The following LHFPL3 variants were observed in gnomAD, a reference collection of about 807,000 sequenced individuals.
LHFPL3 encodes the protein LHFPL tetraspan subfamily member 3.
A neutral mutation model predicts 19.3 loss-of-function variants in LHFPL3; 5 were observed. The ratio of observed to expected loss-of-function variants is 0.26; its 90% CI spans 0.14 to 0.54. LHFPL3 has a LOEUF of 0.54. LHFPL3 is among the 20% of genes least tolerant of loss of function. The pLI, the probability that LHFPL3 is intolerant of heterozygous loss-of-function variation, is 0.94. For synonymous variants in LHFPL3, 133 were observed against 126.2 expected, an observed-to-expected ratio of 1.05 and a Z score of -0.36; for missense variants, 249 against 307.4, an observed-to-expected ratio of 0.81 and a Z score of 1.42.
At chr7:104,601,268 C>T (rs1053385966) in intron 1 of LHFPL3, among the ~76,000 whole-genome samples, 1 of 152,148 alleles carries the variant, frequency 6.6e-6, no homozygotes, top group Admixed American at 6.5e-5. Flanking sequence ...TAAATTAGCA[C>T]TCTTCCCCTC....
intron 2 of LHFPL3, among the ~76,000 whole-genome samples, chr7:104,872,873 A>T: frequency 6.6e-6 from 1 of 152,312 alleles, no homozygotes; most frequent in Non-Finnish European, 1.5e-5. Context: ...TAAACAATAA[A>T]TACCTAAACC....
intron 1 of LHFPL3, among the ~76,000 whole-genome samples, chr7:104,445,736 G>T (rs1017669731): frequency 3.9e-5 from 6 of 152,134 alleles, no homozygotes; most frequent in Non-Finnish European, 8.8e-5. Flanking sequence ...TTGAAGATAC[G>T]CAACTAAGGA....
At chr7:104,468,033 C>T (rs1250538421) in intron 1 of LHFPL3, among the ~76,000 whole-genome samples, 1 of 152,184 alleles carries the variant, frequency 6.6e-6, no homozygotes, top group African/African-American at 2.4e-5. Flanking sequence ...ATATTTTAAG[C>T]AGAAAGATTT....
intron 1 of LHFPL3, among the ~76,000 whole-genome samples, chr7:104,408,121 CAT>C (rs2116506269): frequency 6.6e-6 from 1 of 152,266 alleles, no homozygotes; most frequent in South Asian, 2.1e-4. Context: ...AACCCAGATA[CAT>C]ATGAGTGGGC....
intron 1 of LHFPL3, among the ~76,000 whole-genome samples, chr7:104,349,507 T>G (rs1790135287): frequency 6.6e-6 from 1 of 152,220 alleles, no homozygotes; most frequent in African/African-American, 2.4e-5. Flanking sequence ...GTTCACAAGG[T>G]TTCTTTAAGA....
At position 104,449,889 on chromosome 7, in the gene LHFPL3, A is replaced by C. The variant is rs142018564; in HGVS notation, c.445+120665A>C. Among the ~76,000 whole-genome samples the C allele has an allele frequency of 1.0e-3, 158 of 152,338 alleles. 1 individual carries two copies. Among genetic ancestry groups the C allele is most frequent in the African/African-American group, 3.7e-3 (152 of 41,586 alleles). On this transcript the variant is annotated intron_variant, in intron 1 of 2. Coordinates refer to ENST00000424859, the MANE Select transcript of LHFPL3 (RefSeq NM_199000.3). Reference sequence around the variant, plus strand: ...CACCTTGAATGGCCACTTGTTGATAATAAAAGGTGTCGGCCTGGATTTTCT... The same window carrying C: ...CACCTTGAATGGCCACTTGTTGATACTAAAAGGTGTCGGCCTGGATTTTCT...
At chr7:104,711,139 C>T (rs2116213925) in intron 1 of LHFPL3, among the ~76,000 whole-genome samples, 1 of 152,276 alleles carries the variant, frequency 6.6e-6, no homozygotes, top group Admixed American at 6.5e-5. Flanking sequence ...GCAAAAGTTT[C>T]AGGGAAATTT....
chr7:104,647,827 C>T (rs980809955), intron 1 of LHFPL3, among the ~76,000 whole-genome samples: 5 of 152,112 alleles, frequency 3.3e-5, no homozygotes, highest in Admixed American at 3.3e-4. Context: ...CAAAAGTTTC[C>T]CAGGAACCCT....
At chr7:104,510,337 T>C (rs189626169) in intron 1 of LHFPL3, among the ~76,000 whole-genome samples, 1 of 152,268 alleles carries the variant, frequency 6.6e-6, no homozygotes, top group East Asian at 1.9e-4. Context: ...AGAATTATTT[T>C]CTAGCTAAAG....
At chr7:104,624,828 C>T (rs1043787152) in intron 1 of LHFPL3, among the ~76,000 whole-genome samples, 3 of 152,012 alleles carry the variant, frequency 2.0e-5, no homozygotes, top group African/African-American at 7.2e-5. Flanking sequence ...TGGGATGTGT[C>T]TTTGGTTTGT....
intron 1 of LHFPL3, among the ~76,000 whole-genome samples, chr7:104,575,810 C>G (rs1489540712): frequency 6.6e-6 from 1 of 152,036 alleles, no homozygotes; most frequent in Non-Finnish European, 1.5e-5. Flanking sequence ...CTGCATCTGA[C>G]CACTTTACCC....
intron 1 of LHFPL3, among the ~76,000 whole-genome samples, chr7:104,355,850 T>C (rs1790262783): frequency 6.6e-6 from 1 of 152,230 alleles, no homozygotes; most frequent in Non-Finnish European, 1.5e-5. Flanking sequence ...TTTAAATCTG[T>C]TGTCAGTCTG....
At chr7:104,736,989 T>C in intron 2 of LHFPL3, 78 bp downstream of exon 2, 1 of 1,128,268 alleles carries the variant, frequency 8.9e-7, no homozygotes, top group South Asian at 1.4e-5. Flanking sequence ...TCCCCTCAAA[T>C]ACTAGTGCTT....
In LHFPL3 at chr7:104,625,951, TC is replaced by T. The variant is rs527525309; in HGVS notation, c.446-110723del. Among the ~76,000 whole-genome samples the T allele has an allele frequency of 1.4e-3, 217 of 152,314 alleles. 3 individuals are homozygous for T. Among genetic ancestry groups the T allele is most frequent in the African/African-American group, 5.0e-3 (209 of 41,578 alleles). Reference sequence around the variant, plus strand: ...CAACACCCCTGCTAGCCAGCTGTCATCTTTCCTCCCATGGCTCTGCCAGAGC... The same window carrying T: ...CAACACCCCTGCTAGCCAGCTGTCATTTTCCTCCCATGGCTCTGCCAGAGC... On this transcript the variant is annotated intron_variant, in intron 1 of 2. Coordinates refer to ENST00000424859, the MANE Select transcript of LHFPL3 (RefSeq NM_199000.3).
At chr7:104,431,172 T>C (rs1791996733) in intron 1 of LHFPL3, among the ~76,000 whole-genome samples, 1 of 152,200 alleles carries the variant, frequency 6.6e-6, no homozygotes, top group African/African-American at 2.4e-5. Flanking sequence ...TATTTCTCAC[T>C]CATTCTTAAA....
intron 1 of LHFPL3, among the ~76,000 whole-genome samples, chr7:104,670,892 A>C (rs1463607636): frequency 6.7e-6 from 1 of 148,982 alleles, no homozygotes; most frequent in Non-Finnish European, 1.5e-5. Flanking sequence ...GCTTCCCTTG[A>C]GAGAATAAAC....
chr7:104,494,326 A>G (rs1038945000), intron 1 of LHFPL3, among the ~76,000 whole-genome samples: 6 of 152,194 alleles, frequency 3.9e-5, no homozygotes, highest in African/African-American at 1.4e-4. Context: ...CCATTCATTC[A>G]TTCACTTATT....
At chr7:104,880,941 C>G (rs575984714) in intron 2 of LHFPL3, among the ~76,000 whole-genome samples, 1 of 152,036 alleles carries the variant, frequency 6.6e-6, no homozygotes. Context: ...GAGGCCAAGG[C>G]GGGTGAATCA....
intron 2 of LHFPL3, among the ~76,000 whole-genome samples, chr7:104,830,769 T>G (rs1214125976): frequency 2.0e-5 from 3 of 151,906 alleles, no homozygotes; most frequent in Non-Finnish European, 4.4e-5. Context: ...GGCAGCGTGA[T>G]GCCTCCAGCT....
Sources: gnomAD v4.1 joint callset for allele counts (sites outside exome capture counted in the v4.1 genomes callset) on GRCh38, gnomAD v4.1.1 for gene constraint, MANE v1.5 for transcripts, NCBI Gene and HGNC (gene_info 2026-07-23, HGNC 2026-07-21) for gene names.